The following SLC29A3 variants were observed in gnomAD, a reference collection of about 807,000 sequenced individuals.
SLC29A3 encodes the protein solute carrier family 29 member 3.
A neutral mutation model predicts 25.4 loss-of-function variants in SLC29A3; 18 were observed. The observed-to-expected ratio is 0.71, with a 90% CI of 0.49 to 1.05. SLC29A3 has a LOEUF of 1.05. Ranked by LOEUF, SLC29A3 falls within the 50% of genes least tolerant of loss-of-function variation. SLC29A3 has a pLI of 0.00. For synonymous variants in SLC29A3, 258 were observed against 267.1 expected (o/e 0.97, Z 0.33); for missense variants, 586 against 609.0 (o/e 0.96, Z 0.40).
rs149841321 is a variant in SLC29A3, at chr10:71,352,220, A to G, written c.610+432A>G. On this transcript the variant is annotated intron_variant, in intron 4 of 5. Coordinates refer to ENST00000373189, the MANE Select transcript of SLC29A3 (RefSeq NM_018344.6). ...TCTGGGTTGCAAAAGCCGGCATTTC[A>G]GGAGATCCAGGCAGAAGCTTTATTT... Among the ~76,000 whole-genome samples the G allele has an allele frequency of 2.4e-3, 372 of 152,270 alleles. 1 individual carries two copies. The highest frequency in any genetic ancestry group is 8.4e-3 in the African/African-American group (351 of 41,548).
chr10:71,361,926 T>G, intron 5 of SLC29A3, 28 bp from the exon 6 acceptor site: 1 of 1,613,280 alleles, frequency 6.2e-7, no homozygotes, highest in South Asian at 1.1e-5. Context: ...GCAACCTGCT[T>G]GATGGTGGCC....
At chr10:71,354,203 G>C (rs1890885) in intron 4 of SLC29A3, among the ~76,000 whole-genome samples, 1 of 152,146 alleles carries the variant, frequency 6.6e-6, no homozygotes, top group Non-Finnish European at 1.5e-5. Context: ...AGTGCTTCAC[G>C]TGTAATAATC....
At chr10:71,358,457 CCGCCCCTTCAGGG>C (rs1846972206) in intron 5 of SLC29A3, among the ~76,000 whole-genome samples, 1 of 152,212 alleles carries the variant, frequency 6.6e-6, no homozygotes, top group Non-Finnish European at 1.5e-5. Context: ...CCAGTCCTCC[CCGCCCCTTCAGGG>C]CTGTCATCAG....
chr10:71,357,111 A>G (rs1343407494), intron 5 of SLC29A3, among the ~76,000 whole-genome samples: 1 of 151,542 alleles, frequency 6.6e-6, no homozygotes, highest in Non-Finnish European at 1.5e-5. Context: ...ACACCCAGCT[A>G]TTTTTTAAAA....
intron 2 of SLC29A3, among the ~76,000 whole-genome samples, chr10:71,325,510 A>G (rs1387676389): frequency 6.6e-6 from 1 of 152,142 alleles, no homozygotes; most frequent in African/African-American, 2.4e-5. Context: ...GTGAACATTG[A>G]TATGTTTACA....
At chr10:71,337,637 C>T (rs371157506) in intron 2 of SLC29A3, among the ~76,000 whole-genome samples, 3 of 152,182 alleles carry the variant, frequency 2.0e-5, no homozygotes, top group African/African-American at 4.8e-5. Context: ...TGCCGCAGCT[C>T]GTGACTAATT....
intron 2 of SLC29A3, among the ~76,000 whole-genome samples, chr10:71,337,506 C>T (rs1486311250): frequency 2.0e-5 from 3 of 152,256 alleles, no homozygotes; most frequent in African/African-American, 7.2e-5. Flanking sequence ...CACCCCCAGG[C>T]TTGAATCGCT....
At chr10:71,355,307 C>G (rs867260258) in intron 4 of SLC29A3, among the ~76,000 whole-genome samples, 2 of 152,332 alleles carry the variant, frequency 1.3e-5, no homozygotes, top group Middle Eastern at 3.4e-3. Context: ...GTCGTGTGGC[C>G]TCCTCTGTTA....
At chr10:71,334,675 C>T (rs373850135) in intron 2 of SLC29A3, among the ~76,000 whole-genome samples, 44 of 152,226 alleles carry the variant, frequency 2.9e-4, no homozygotes, top group African/African-American at 8.7e-4. Context: ...GAGGAAGAAC[C>T]GCCATCGCTG....
In SLC29A3 at chr10:71,346,791, C is replaced by T. The variant is rs1206885338; in HGVS notation, c.383+2500C>T. Among the ~76,000 whole-genome samples, 3 of 152,234 alleles carry T rather than the reference C, an allele frequency of 2.0e-5. No individual in the cohort carries two copies. The East Asian group carries it at 5.8e-4, about 29-fold the overall frequency. On this transcript the variant is annotated intron_variant, in intron 3 of 5. Transcript: ENST00000373189. ...CCTAGTTCCCCAGCTTTGCACCCAC[C>T]CCTGCCCCTGCAGGCAGAACCACTC...
exon 5 of SLC29A3, chr10:71,380,957 A>G (rs1489915301): frequency 1.3e-5 from 2 of 152,212 alleles, no homozygotes; most frequent in Non-Finnish European, 2.9e-5. Context: ...CACAGACTCC[A>G]TATACCTATC....
intron 2 of SLC29A3, among the ~76,000 whole-genome samples, chr10:71,324,107 A>C (rs115774201): frequency 3.4e-4 from 52 of 152,304 alleles, no homozygotes; most frequent in African/African-American, 1.1e-3. Flanking sequence ...AGTAGGGGAG[A>C]TAAATGGAGC....
At position 71,319,324 on chromosome 10, in the gene SLC29A3, G is replaced by A. The variant is rs1249317639; in HGVS notation, c.1+14G>A. The A allele has an allele frequency of 6.2e-6, 4 of 645,036 alleles. No homozygotes were observed. The highest frequency in any genetic ancestry group is 1.1e-5 in the Non-Finnish European group (4 of 359,018). 40.0% of individuals were successfully genotyped at this position (645,036 alleles called of 1,614,324 possible). A position where few individuals can be genotyped will look rare whatever the true frequency, so the allele number is the denominator to read the frequency against. Reference sequence around the variant, plus strand: ...GCAGCGGCGACAGTAAGTGCGGGCCGGCTCGGGCTCTTCCGGCTACGGTCC... The same window carrying A: ...GCAGCGGCGACAGTAAGTGCGGGCCAGCTCGGGCTCTTCCGGCTACGGTCC... On this transcript the variant is annotated intron_variant, in intron 1 of 5. Coordinates refer to ENST00000373189, the MANE Select transcript of SLC29A3 (RefSeq NM_018344.6).
chr10:71,341,003 G>A (rs1033665345), intron 2 of SLC29A3, among the ~76,000 whole-genome samples: 2 of 152,172 alleles, frequency 1.3e-5, no homozygotes, highest in African/African-American at 4.8e-5. Flanking sequence ...GGAACACCTT[G>A]GAAAAGTCTT....
At chr10:71,380,387 C>T (rs1361191665) in exon 5 of SLC29A3, 1 of 152,178 alleles carries the variant, frequency 6.6e-6, no homozygotes, top group African/African-American at 2.4e-5. Context: ...TCCTTTTTTA[C>T]CTCTCAGAGC....
intron 2 of SLC29A3, among the ~76,000 whole-genome samples, chr10:71,343,672 G>A (rs148948318): frequency 0.011 from 1,705 of 152,298 alleles, 27 homozygotes; most frequent in African/African-American, 0.038. Context: ...AAACCCAAGC[G>A]AGCGGTGCCT....
chr10:71,326,281 T>C (rs957430076), intron 2 of SLC29A3, among the ~76,000 whole-genome samples: 1 of 152,080 alleles, frequency 6.6e-6, no homozygotes, highest in African/African-American at 2.4e-5. Flanking sequence ...AGGGCTGTTG[T>C]GAGGATTAAG....
chr10:71,346,950 C>A (rs1326108088), intron 3 of SLC29A3, among the ~76,000 whole-genome samples: 1 of 152,090 alleles, frequency 6.6e-6, no homozygotes, highest in African/African-American at 2.4e-5. Context: ...GAGATTGGGT[C>A]CCGGCAGATG....
At chr10:71,377,157 G>A (rs1049592681) in intron 4 of SLC29A3, among the ~76,000 whole-genome samples, 3 of 152,168 alleles carry the variant, frequency 2.0e-5, no homozygotes, top group African/African-American at 7.2e-5. Flanking sequence ...TCAGATCTCC[G>A]GGCCTCAAGG....
Sources: allele counts gnomAD v4.1 joint callset (sites outside exome capture counted in the v4.1 genomes callset), GRCh38; gene constraint gnomAD v4.1.1; transcripts MANE v1.5; gene names NCBI Gene and HGNC (gene_info 2026-07-23, HGNC 2026-07-21).